The following RREB1 variants were observed in gnomAD, a reference collection of about 807,000 sequenced individuals.
RREB1 encodes ras responsive element binding protein 1.
Under a neutral mutation model 117.8 loss-of-function variants are expected in RREB1, and 27 were observed. The ratio of observed to expected loss-of-function variants is 0.23; its 90% confidence interval spans 0.17 to 0.32. The LOEUF (loss-of-function observed/expected upper bound fraction) is 0.32, where lower values mean the gene tolerates loss of function less well. RREB1 is among the 10% of genes least tolerant of loss of function. The pLI, the probability that RREB1 is intolerant of heterozygous loss-of-function variation, is 1.00. For synonymous variants in RREB1, 1,298 were observed against 1,026.7 expected, an observed-to-expected ratio of 1.26 and a Z score of -5.05; for missense variants, 2,577 against 2,378.2, an observed-to-expected ratio of 1.08 and a Z score of -1.74.
intron 1 of RREB1, among the ~76,000 whole-genome samples, chr6:7,153,105 GTTT>G (rs369606887): frequency 2.7e-4 from 28 of 105,030 alleles, no homozygotes; most frequent in African/African-American, 7.5e-4. Context: ...TTGTGAGAGG[GTTT>G]TTTTTTTTTT....
intron 1 of RREB1, among the ~76,000 whole-genome samples, chr6:7,170,012 C>G (rs750407274): frequency 2.0e-5 from 3 of 152,182 alleles, no homozygotes; most frequent in South Asian, 4.1e-4. Flanking sequence ...AAGCTGCTTC[C>G]TGCATGGAAC....
intron 8 of RREB1, chr6:7,214,660 C>T (rs1028313053): frequency 6.6e-6 from 1 of 152,312 alleles, no homozygotes; most frequent in African/African-American, 2.4e-5. Context: ...GTGGGAGAGA[C>T]AGCTTGTTAA....
Position 7,211,704 on chromosome 6 carries a change from A to T in RREB1, c.702A>T (p.Pro234=), listed in dbSNP as rs28688169. The change falls in exon 8 of 13, where the codon CCA becomes CCT. Residue 234 remains proline, a synonymous_variant. Transcript: ENST00000379938. ...ETHMETHSDN[P]LRCDICCVTF... is the part of the protein sequence containing the mutation. ...ACATGGAGACCCATTCAGATAACCC[A>T]CTAAGGTAGGAGAAAGAGTGAACTA... 1 of 1,614,104 alleles carries T rather than the reference A, an allele frequency of 6.2e-7. No homozygotes were observed. The highest frequency in any genetic ancestry group is 8.5e-7 in the Non-Finnish European group (1 of 1,179,962).
intron 6 of RREB1, among the ~76,000 whole-genome samples, chr6:7,192,607 G>A: frequency 6.6e-6 from 1 of 152,100 alleles, no homozygotes; most frequent in Non-Finnish European, 1.5e-5. Flanking sequence ...ATATCCTTTT[G>A]TAATCCTTTT....
At chr6:7,140,820 C>G (rs988930940) in intron 1 of RREB1, 1 of 152,320 alleles carries the variant, frequency 6.6e-6, no homozygotes, top group African/African-American at 2.4e-5. Flanking sequence ...TGGGCTTGCA[C>G]GCGCCAGGCT....
chr6:7,129,706 G>A (rs928103151), intron 1 of RREB1, among the ~76,000 whole-genome samples: 1 of 152,226 alleles, frequency 6.6e-6, no homozygotes, highest in African/African-American at 2.4e-5. Flanking sequence ...ACCAATTCCA[G>A]GTGAGCCACC....
chr6:7,151,744 A>AGGAGCAG (rs1763133260), intron 1 of RREB1, among the ~76,000 whole-genome samples: 1 of 152,242 alleles, frequency 6.6e-6, no homozygotes, highest in Non-Finnish European at 1.5e-5. Context: ...GGTTGAGGCT[A>AGGAGCAG]GGAGCAGAGA....
rs1398002656 is a variant in RREB1, at chr6:7,230,724, C to G, written c.2625C>G (p.Thr875=). The part of the protein sequence containing the change: ...PQNGFLHRGP[T]QPPPPHVSIK... ...ACGGCTTTCTTCACAGGGGCCCCACCCAGCCTCCACCTCCCCATGTCTCGA... is the reference window on the plus strand; with the variant it reads ...ACGGCTTTCTTCACAGGGGCCCCACGCAGCCTCCACCTCCCCATGTCTCGA... The change falls in exon 10 of 13, where the codon ACC becomes ACG. Residue 875 remains threonine (T), a synonymous_variant. Coordinates refer to ENST00000379938, the MANE Select transcript of RREB1 (RefSeq NM_001003699.4). The G allele has an allele frequency of 6.3e-7, 1 of 1,599,676 alleles. No individual in the cohort carries two copies. The highest frequency in any genetic ancestry group is 8.5e-7 in the Non-Finnish European group (1 of 1,172,050).
intron 6 of RREB1, among the ~76,000 whole-genome samples, chr6:7,191,285 A>C (rs551146623): frequency 4.3e-4 from 65 of 151,906 alleles, no homozygotes; most frequent in Non-Finnish European, 8.1e-4. Context: ...TAAAGTGTGC[A>C]CTTCAGTGGG....
rs567367455 is a variant in RREB1, at chr6:7,124,709, T to A, written c.-285+16649T>A. 1.1e-4 allele frequency among the ~76,000 whole-genome samples: 16 copies of A among 152,362 alleles called. No individual in the cohort carries two copies. The South Asian group carries it at 3.3e-3, about 32-fold the overall frequency. On this transcript the variant is annotated intron_variant, in intron 1 of 12. Transcript: ENST00000379938. ...CAGTAGAAGCAGCAGTCATAAGATC[T>A]AACATTTATTGAGCCTGTACTAGTT...
At chr6:7,241,850 A>G (rs888242418) in intron 11 of RREB1, among the ~76,000 whole-genome samples, 2 of 152,216 alleles carry the variant, frequency 1.3e-5, no homozygotes, top group Non-Finnish European at 2.9e-5. Flanking sequence ...CCACTTCCAC[A>G]TAACTCACCA....
In RREB1 at chr6:7,196,030, C is replaced by T. The variant is rs542087040; in HGVS notation, c.425+6708C>T. On this transcript the variant is annotated intron_variant, in intron 6 of 12. Coordinates refer to ENST00000379938, the MANE Select transcript of RREB1 (RefSeq NM_001003699.4). The stretch of plus-strand genomic sequence containing the variant: ...TGCTCCTCAACAGCACAGTTGACAA[C>T]TACACAGCTTACCCTTCCCCCTCCT... 1.3e-4 allele frequency among the ~76,000 whole-genome samples: 20 copies of T among 152,280 alleles called. No homozygotes were observed. The South Asian group carries it at 2.5e-3, about 19-fold the overall frequency.
At chr6:7,123,941 T>C (rs976899483) in intron 1 of RREB1, among the ~76,000 whole-genome samples, 65 of 152,270 alleles carry the variant, frequency 4.3e-4, no homozygotes, top group African/African-American at 1.6e-3. Flanking sequence ...GTATCTGTGA[T>C]ATGTCCCTTC....
intron 10 of RREB1, among the ~76,000 whole-genome samples, chr6:7,234,645 T>C (rs955026254): frequency 3.3e-5 from 5 of 152,386 alleles, no homozygotes; most frequent in Non-Finnish European, 7.3e-5. Flanking sequence ...ATTGATAACC[T>C]TGATAGATGT....
intron 1 of RREB1, among the ~76,000 whole-genome samples, chr6:7,156,646 A>G (rs1198304265): frequency 6.6e-6 from 1 of 152,244 alleles, no homozygotes; most frequent in East Asian, 1.9e-4. Context: ...GTATTTGTAT[A>G]TAGAATCCAC....
At chr6:7,121,924 G>T (rs993617872) in intron 1 of RREB1, among the ~76,000 whole-genome samples, 1 of 152,170 alleles carries the variant, frequency 6.6e-6, no homozygotes, top group African/African-American at 2.4e-5. Flanking sequence ...TTCCATCAGG[G>T]TGTGCTCCGG....
At chr6:7,145,861 A>G (rs1043595501) in intron 1 of RREB1, among the ~76,000 whole-genome samples, 1 of 151,102 alleles carries the variant, frequency 6.6e-6, no homozygotes, top group Non-Finnish European at 1.5e-5. Context: ...CTGTGGGGAG[A>G]AGAAGAGGGA....
chr6:7,242,526 G>A (rs1000632965), intron 11 of RREB1, among the ~76,000 whole-genome samples: 1 of 152,182 alleles, frequency 6.6e-6, no homozygotes, highest in African/African-American at 2.4e-5. Flanking sequence ...GTGAGAAAAG[G>A]GACTGAGATT....
At chr6:7,218,210 A>T (rs1767020036) in intron 8 of RREB1, 1 of 152,264 alleles carries the variant, frequency 6.6e-6, no homozygotes, top group Non-Finnish European at 1.5e-5. Context: ...TTTAAAAAAA[A>T]GAAAATTCAC....
Sources: gnomAD v4.1 joint callset for allele counts (sites outside exome capture counted in the v4.1 genomes callset) on GRCh38, gnomAD v4.1.1 for gene constraint, MANE v1.5 for transcripts, NCBI Gene and HGNC (gene_info 2026-07-23, HGNC 2026-07-21) for gene names.